The following SLC46A1 variants were observed in gnomAD, a reference collection of about 807,000 sequenced individuals.
SLC46A1 encodes solute carrier family 46 member 1.
In SLC46A1, 17 loss-of-function variants were observed where a neutral mutation model predicts 32.1. The ratio of observed to expected loss-of-function variants is 0.53; its 90% CI spans 0.36 to 0.79. The LOEUF is 0.79. Ranked by LOEUF, SLC46A1 falls within the 30% of genes least tolerant of loss-of-function variation. The pLI, the probability that SLC46A1 is intolerant of heterozygous loss-of-function variation, is 0.00. For synonymous variants in SLC46A1, 240 were observed against 262.7 expected (o/e 0.91, Z 0.84); for missense variants, 517 against 588.2 (o/e 0.88, Z 1.25).
rs41297117 is a variant in SLC46A1, at chr17:28,400,155, A to G, written c.1323-442T>C. 1,208 of 238,544 alleles carry G rather than the reference A, an allele frequency of 5.1e-3. 17 individuals are homozygous for G. The highest frequency in any genetic ancestry group is 0.026 in the African/African-American group (1,165 of 44,108). 14.8% of individuals were successfully genotyped at this position (238,544 alleles called of 1,614,324 possible). A position where few individuals can be genotyped will look rare whatever the true frequency, so the allele number is the denominator to read the frequency against. ...AGTGGTCCTCCTGCCTCAGCCTCCC[A>G]CAGGATCGGGATTACAGGCAAGAGC... On this transcript the variant is annotated intron_variant, in intron 4 of 4. Transcript: ENST00000612814.
intron 3 of SLC46A1, chr17:28,401,205 G>A (rs547413747): frequency 4.9e-6 from 1 of 202,228 alleles, no homozygotes. Flanking sequence ...TTGGGTTCCT[G>A]TTCCTCCTTC....
Position 28,395,628 on chromosome 17 carries a change from G to A in SLC46A1, c.*4028C>T. 2 of 362,524 alleles carry A rather than the reference G, an allele frequency of 5.5e-6. No individual in the cohort carries two copies. Among genetic ancestry groups the A allele is most frequent in the South Asian group, 6.9e-5 (2 of 28,862 alleles). 22.5% of individuals were successfully genotyped at this position (362,524 alleles called of 1,614,324 possible). A position where few individuals can be genotyped will look rare whatever the true frequency, so the allele number is the denominator to read the frequency against. ...AGGCTACCCCCATAGCACCCCCCGGGCCCCCAGTGGGGAATCATCTCTTTA... is the reference window on the plus strand; with the variant it reads ...AGGCTACCCCCATAGCACCCCCCGGACCCCCAGTGGGGAATCATCTCTTTA... On this transcript the variant is annotated 3_prime_UTR_variant, in exon 5 of 5. Transcript: ENST00000612814.
At position 28,399,583 on chromosome 17, in the gene SLC46A1, T is replaced by G. The variant is rs2068170829; in HGVS notation, c.*73A>C. 3 of 1,517,286 alleles carry G rather than the reference T, an allele frequency of 2.0e-6. No homozygotes were observed. The highest frequency in any genetic ancestry group is 2.7e-5 in the African/African-American group (2 of 72,984). The allele number at this position is 1,517,286 out of a possible 1,614,324, so 94.0% of individuals were successfully genotyped here. The stretch of plus-strand genomic sequence containing the variant: ...TTGCTTGTCCTGCTGTGGGCTGGGC[T>G]TCCAGCTGCAGACCTCCAGTTGCTT... On this transcript the variant is annotated 3_prime_UTR_variant, in exon 5 of 5. Transcript: ENST00000612814.
chr17:28,399,769 T>C, intron 4 of SLC46A1, 56 bp from the exon 5 acceptor site: 1 of 1,589,406 alleles, frequency 6.3e-7, no homozygotes. Context: ...TCAAGGCCTG[T>C]CTGGAGAAGT....
intron 4 of SLC46A1, chr17:28,400,106 G>T: frequency 4.1e-6 from 1 of 245,406 alleles, no homozygotes; most frequent in Non-Finnish European, 8.0e-6. Flanking sequence ...TGTTGCCCAG[G>T]CTGATCTTGA....
chr17:28,400,466 T>C, intron 4 of SLC46A1, 144 bp downstream of exon 4: 1 of 1,105,292 alleles, frequency 9.0e-7, no homozygotes, highest in South Asian at 1.6e-5. Flanking sequence ...GGCAGCCATC[T>C]GCAAGGAGAG....
intron 2 of SLC46A1, chr17:28,403,274 A>G (rs1555590028): frequency 6.6e-6 from 1 of 152,262 alleles, no homozygotes; most frequent in Non-Finnish European, 1.5e-5. Flanking sequence ...GAACCAATAC[A>G]TGAGGTAAAA....
At position 28,395,816 on chromosome 17, in the gene SLC46A1, C is replaced by T. The variant is rs1247528894; in HGVS notation, c.*3840G>A. 9.0e-5 allele frequency: 136 copies of T among 1,510,740 alleles called. No homozygotes were observed. Among genetic ancestry groups the T allele is most frequent in the Middle Eastern group, 3.5e-4 (2 of 5,794 alleles). 93.6% of individuals were successfully genotyped at this position (1,510,740 alleles called of 1,614,324 possible). A position where few individuals can be genotyped will look rare whatever the true frequency, so the allele number is the denominator to read the frequency against. ...TGGTGTCCTGCCCTGGGCCCAGCCTCGGGCCAGTGGGCCTCCCAGCACCTG... is the reference window on the plus strand; with the variant it reads ...TGGTGTCCTGCCCTGGGCCCAGCCTTGGGCCAGTGGGCCTCCCAGCACCTG... On this transcript the variant is annotated 3_prime_UTR_variant, in exon 5 of 5. Transcript: ENST00000612814.
intron 4 of SLC46A1, chr17:28,400,254 C>G (rs2068179652): frequency 3.5e-6 from 1 of 287,186 alleles, no homozygotes; most frequent in African/African-American, 2.2e-5. Context: ...TAGCCTGTGG[C>G]CCAGCCACAA....
In SLC46A1 at chr17:28,397,423, C is replaced by T. The variant is rs2068140299; in HGVS notation, c.*2233G>A. The T allele has an allele frequency of 6.6e-6, 1 of 152,186 alleles. No individual in the cohort carries two copies. Among genetic ancestry groups the T allele is most frequent in the African/African-American group, 2.4e-5 (1 of 41,412 alleles). The allele number at this position is 152,186 out of a possible 1,614,324, so 9.4% of individuals were successfully genotyped here. ...GCCCTCACAAATCTTTGCCATTTCC[C>T]AAACACTCCGCTCCATGGTCTCCAG... On this transcript the variant is annotated 3_prime_UTR_variant, in exon 5 of 5. Coordinates refer to ENST00000612814, the MANE Select transcript of SLC46A1 (RefSeq NM_080669.6).
At chr17:28,406,483 T>G (rs1555591479), upstream of SLC46A1, 2 of 213,300 alleles carry the variant, frequency 9.4e-6, no homozygotes, top group African/African-American at 4.6e-5. The surrounding 1 kb of genome is among the most constrained non-coding windows in gnomAD (Gnocchi z 4.5). Flanking sequence ...TATTAAACCC[T>G]TTTTGTGCGT....
intron 3 of SLC46A1, 37 bp from the exon 4 acceptor site, chr17:28,400,803 A>C (rs2068187960): frequency 6.5e-7 from 1 of 1,544,638 alleles, no homozygotes; most frequent in African/African-American, 1.4e-5. Flanking sequence ...GGAGTCCGAA[A>C]GGGCCATATT....
chr17:28,396,195 T>A lies in SLC46A1; in HGVS notation c.*3461A>T. ...TACCAGGAGGCCACCATTGAGAAGA[T>A]CATCCGCTTCCTGCAGGGCCGCTCC... On this transcript the variant is annotated 3_prime_UTR_variant, in exon 5 of 5. Coordinates refer to ENST00000612814, the MANE Select transcript of SLC46A1 (RefSeq NM_080669.6). The A allele has an allele frequency of 1.2e-6, 2 of 1,613,932 alleles. No homozygotes were observed. The highest frequency in any genetic ancestry group is 2.2e-5 in the South Asian group (2 of 91,080).
Position 28,404,792 on chromosome 17 carries a change from T to A in SLC46A1, c.905A>T (p.Lys302Ile). Reference protein sequence around the residue: ...ELSTPLCWDSKLIGYGSAAQH... With the variant: ...ELSTPLCWDSILIGYGSAAQH... Reference sequence around the variant, plus strand: ...AGCTGCAGAACCATAGCCGATTAGTTTGGAGTCCCAGCAGAGGGGTGTGCT... The same window carrying A: ...AGCTGCAGAACCATAGCCGATTAGTATGGAGTCCCAGCAGAGGGGTGTGCT... Residue 302 changes from lysine (K) to isoleucine (I), a missense_variant, in exon 2 of 5, where the codon AAA becomes ATA. Physicochemically the swap from Lys to Ile is moderately radical, Grantham distance 102 (BLOSUM62 -3). Coordinates refer to ENST00000612814, the MANE Select transcript of SLC46A1 (RefSeq NM_080669.6). The A allele has an allele frequency of 1.2e-6, 2 of 1,613,960 alleles. No homozygotes were observed. The highest frequency in any genetic ancestry group is 1.7e-6 in the Non-Finnish European group (2 of 1,179,870).
rs1555587695 is a variant in SLC46A1, at chr17:28,395,863, A to G, written c.*3793T>C. The stretch of plus-strand genomic sequence containing the variant: ...CCTGCCTGGCTACAAGGGTCCCTAG[A>G]TGGGTACAGGGGTATCTTCCTCCTT... On this transcript the variant is annotated 3_prime_UTR_variant, in exon 5 of 5. Coordinates refer to ENST00000612814, the MANE Select transcript of SLC46A1 (RefSeq NM_080669.6). 2 of 1,609,254 alleles carry G rather than the reference A, an allele frequency of 1.2e-6. No individual in the cohort carries two copies. Among genetic ancestry groups the G allele is most frequent in the East Asian group, 4.5e-5 (2 of 44,836 alleles).
At chr17:28,400,799 C>T (rs559489325) in intron 3 of SLC46A1, 33 bp from the exon 4 acceptor site, 37 of 1,547,084 alleles carry the variant, frequency 2.4e-5, no homozygotes, top group South Asian at 2.1e-4. Flanking sequence ...CTCTGGAGTC[C>T]GAAAGGGCCA....
At chr17:28,404,498 G>T in intron 2 of SLC46A1, 118 bp downstream of exon 2, 1 of 1,311,718 alleles carries the variant, frequency 7.6e-7, no homozygotes, top group Non-Finnish European at 1.1e-6. Flanking sequence ...CAGGCTGGGG[G>T]CATAACTATG....
chr17:28,401,058 T>G, intron 3 of SLC46A1: 1 of 409,110 alleles, frequency 2.4e-6, no homozygotes, highest in East Asian at 5.3e-5. Context: ...ACATGTGATA[T>G]TGTCTGATGA....
intron 1 of SLC46A1, 105 bp downstream of exon 1, chr17:28,405,781 TC>T: frequency 8.0e-7 from 1 of 1,255,992 alleles, no homozygotes; most frequent in South Asian, 1.5e-5. Flanking sequence ...AAATGCACCC[TC>T]CCTCCAGTTA....
Sources: gnomAD v4.1 joint callset for allele counts on GRCh38, gnomAD v4.1.1 for gene constraint, Gnocchi (gnomAD v3.1) non-coding constraint, MANE v1.5 for transcripts, NCBI Gene and HGNC (gene_info 2026-07-23, HGNC 2026-07-21) for gene names.